Variants in RPA1 observed in about 807,000 individuals in gnomAD.
RPA1 encodes replication protein A 70 kDa DNA-binding subunit.
In RPA1, 49 loss-of-function variants were observed where a neutral mutation model predicts 83.0. The observed-to-expected ratio is 0.59, with a 90% CI of 0.47 to 0.75. The LOEUF is 0.75. Among genes scored for constraint, RPA1 ranks in the 30% least tolerant of loss-of-function variants. RPA1 has a pLI of 0.00. For missense variants in RPA1, 693 were observed against 776.1 expected (o/e 0.89, Z 1.27); for synonymous variants, 279 against 281.8 (o/e 0.99, Z 0.10).
chr17:1,878,892 T>A (rs973488339), intron 8 of RPA1, 101 bp from the exon 9 acceptor site: 4 of 1,127,066 alleles, frequency 3.5e-6, no homozygotes, highest in Non-Finnish European at 5.4e-6. Context: ...AAGATGTCAC[T>A]TTGGTGCTAG....
chr17:1,863,259 TG>T (rs1441447657), intron 5 of RPA1, among the ~76,000 whole-genome samples: 1 of 151,734 alleles, frequency 6.6e-6, no homozygotes, highest in African/African-American at 2.4e-5. Flanking sequence ...TCACCCAGGC[TG>T]GAGTGCAATG....
intron 6 of RPA1, 49 bp from the exon 7 acceptor site, chr17:1,875,612 G>T: frequency 6.4e-7 from 1 of 1,556,976 alleles, no homozygotes; most frequent in Non-Finnish European, 8.7e-7. Context: ...CTATAAAAAA[G>T]CTAAGTAGAA....
chr17:1,836,241 A>C (rs1009880397), intron 1 of RPA1, among the ~76,000 whole-genome samples: 8 of 145,786 alleles, frequency 5.5e-5, no homozygotes, highest in African/African-American at 1.7e-4. Context: ...TCTCCTTAGT[A>C]ATTGGGGTTA....
intron 14 of RPA1, 95 bp downstream of exon 14, chr17:1,888,946 C>G: frequency 7.5e-7 from 1 of 1,341,030 alleles, no homozygotes; most frequent in Non-Finnish European, 1.0e-6. Flanking sequence ...ACAAAGCATT[C>G]CTGGTAGGAA....
chr17:1,834,062 C>T (rs1192746949), intron 1 of RPA1, among the ~76,000 whole-genome samples: 1 of 152,132 alleles, frequency 6.6e-6, no homozygotes, highest in Admixed American at 6.6e-5. Flanking sequence ...TGCCTGTAAT[C>T]CCTGCTGCTT....
intron 14 of RPA1, chr17:1,891,550 G>A (rs554058957): frequency 9.2e-6 from 1 of 109,018 alleles, no homozygotes; most frequent in African/African-American, 2.7e-5. Flanking sequence ...CTCCTGAGTA[G>A]CTGGGATTAC....
intron 11 of RPA1, 86 bp from the exon 12 acceptor site, chr17:1,880,457 A>G (rs967316942): frequency 1.7e-5 from 24 of 1,418,036 alleles, no homozygotes; most frequent in Middle Eastern, 2.2e-4. Flanking sequence ...TCACTCTACT[A>G]TTGAATGTTT....
intron 5 of RPA1, among the ~76,000 whole-genome samples, chr17:1,856,136 C>G (rs976850915): frequency 6.6e-6 from 1 of 152,032 alleles, no homozygotes; most frequent in African/African-American, 2.4e-5. Context: ...CCAGCCTGCG[C>G]AACATGATAA....
intron 1 of RPA1, among the ~76,000 whole-genome samples, chr17:1,832,299 A>G (rs1386587934): frequency 2.6e-5 from 4 of 151,990 alleles, no homozygotes; most frequent in East Asian, 1.9e-4. Flanking sequence ...GGCAAACACT[A>G]TCTTCGTATC....
chr17:1,858,175 A>T, intron 5 of RPA1: 11 of 1,613,998 alleles, frequency 6.8e-6, no homozygotes, highest in Non-Finnish European at 9.3e-6. Context: ...GGTATGATAC[A>T]TGAGAGGGAA....
chr17:1,871,194 C>T (rs1913365512), intron 5 of RPA1, among the ~76,000 whole-genome samples: 1 of 152,190 alleles, frequency 6.6e-6, no homozygotes, highest in Non-Finnish European at 1.5e-5. Flanking sequence ...TGTCAATAAT[C>T]TGGCTCTTTT....
At chr17:1,835,280 C>T (rs975782572) in intron 1 of RPA1, among the ~76,000 whole-genome samples, 2 of 151,916 alleles carry the variant, frequency 1.3e-5, no homozygotes, top group Non-Finnish European at 2.9e-5. Context: ...TCTCCAGTAG[C>T]TGGGAGTACA....
intron 8 of RPA1, 52 bp downstream of exon 8, chr17:1,877,366 G>A (rs1016743456): frequency 9.1e-6 from 14 of 1,532,366 alleles, no homozygotes; most frequent in Non-Finnish European, 1.2e-5. Flanking sequence ...CCGGGAAACA[G>A]AAGGCTCAGC....
chr17:1,871,837 A>G (rs1342052739), intron 5 of RPA1, among the ~76,000 whole-genome samples: 1 of 152,000 alleles, frequency 6.6e-6, no homozygotes, highest in Non-Finnish European at 1.5e-5. Flanking sequence ...CCCCGCTGTG[A>G]CAGTTCACCA....
rs774560145 is a variant in RPA1 at position 1,830,111 on chromosome 17, C to T, written c.18C>T (p.Ser6=). The T allele has an allele frequency of 8.0e-6, 10 of 1,248,810 alleles. No homozygotes were observed. The highest frequency in any genetic ancestry group is 1.0e-5 in the Non-Finnish European group (10 of 988,484). 77.4% of individuals were successfully genotyped at this position (1,248,810 alleles called of 1,614,324 possible). The change falls in exon 1 of 17, where the codon AGC becomes AGT. Residue 6 remains serine (S), a synonymous_variant. Coordinates refer to ENST00000254719, the MANE Select transcript of RPA1 (RefSeq NM_002945.5). ...GTGGAGCCATGGTCGGCCAACTGAG[C>T]GAGGGGGCCATTGCGGTGAGGAGGT... The part of the protein sequence containing the change: MVGQL[S]EGAIAAIMQK...
chr17:1,885,555 T>G (rs939484698), intron 13 of RPA1, among the ~76,000 whole-genome samples: 3 of 152,118 alleles, frequency 2.0e-5, no homozygotes, highest in African/African-American at 7.2e-5. Context: ...CACTGCAGTC[T>G]CAACCTCCCC....
intron 5 of RPA1, among the ~76,000 whole-genome samples, chr17:1,867,330 C>G (rs1054421289): frequency 2.4e-5 from 2 of 84,458 alleles, no homozygotes; most frequent in African/African-American, 3.1e-5. Flanking sequence ...GGCCAGGTTT[C>G]TAGTGTTTGT....
At chr17:1,849,776 G>T (rs1912413466) in intron 4 of RPA1, among the ~76,000 whole-genome samples, 1 of 152,096 alleles carries the variant, frequency 6.6e-6, no homozygotes, top group Non-Finnish European at 1.5e-5. Flanking sequence ...CCAGGTGCAG[G>T]TTTTATTTTT....
In RPA1 at chr17:1,888,913, G is replaced by T. The variant is rs1039553563; in HGVS notation, c.1551+62G>T. 8.4e-6 allele frequency: 13 copies of T among 1,547,876 alleles called. No individual in the cohort carries two copies. The East Asian group carries it at 2.7e-4, about 32-fold the overall frequency. On this transcript the variant is annotated intron_variant, in intron 14 of 16. Transcript: ENST00000254719. ...TCACGGAGGCCCTCCCGTGTGCCAG[G>T]CACTGTGGTCACAACAGTAGAGACA... is the stretch of plus-strand genomic sequence containing the variant.
Sources: allele counts gnomAD v4.1 joint callset (sites outside exome capture counted in the v4.1 genomes callset), GRCh38; gene constraint gnomAD v4.1.1; transcripts MANE v1.5; gene names NCBI Gene and HGNC (gene_info 2026-07-23, HGNC 2026-07-21).